LYPD6B: variants seen among roughly 807,000 people sequenced by gnomAD.
The protein encoded by LYPD6B is ly6/PLAUR domain-containing protein 6B.
A neutral mutation model predicts 22.8 loss-of-function variants in LYPD6B; 17 were observed. The observed-to-expected ratio is 0.75, with a 90% CI of 0.51 to 1.12. LYPD6B has a LOEUF of 1.12. Ranked by LOEUF, LYPD6B falls within the 50% of genes most tolerant of loss-of-function variation. LYPD6B has a pLI of 0.00. For synonymous variants in LYPD6B, 106 were observed against 91.6 expected (o/e 1.16, Z -0.90); for missense variants, 221 against 258.3 (o/e 0.86, Z 0.99).
At chr2:149,084,188 TCC>T (rs1257557157) in intron 1 of LYPD6B, among the ~76,000 whole-genome samples, 3 of 152,208 alleles carry the variant, frequency 2.0e-5, no homozygotes, top group Non-Finnish European at 4.4e-5. Flanking sequence ...ATATGCTGTT[TCC>T]CAACAACTTT....
chr2:149,087,348 T>C (rs889945862), intron 1 of LYPD6B, among the ~76,000 whole-genome samples: 1 of 152,214 alleles, frequency 6.6e-6, no homozygotes, highest in African/African-American at 2.4e-5. Flanking sequence ...TCTCCTTTTC[T>C]TCTGCAATTT....
At chr2:149,053,595 C>T (rs927949905) in intron 1 of LYPD6B, among the ~76,000 whole-genome samples, 6 of 152,146 alleles carry the variant, frequency 3.9e-5, no homozygotes, top group Admixed American at 3.9e-4. Context: ...AATACACGTA[C>T]CATAAAATGT....
chr2:149,174,864 G>T (rs564703348), intron 3 of LYPD6B, among the ~76,000 whole-genome samples: 1 of 151,980 alleles, frequency 6.6e-6, no homozygotes, highest in Admixed American at 6.6e-5. Context: ...GATGATCTGT[G>T]CCGCAAACCA....
At chr2:149,127,644 T>C (rs1431793584) in intron 1 of LYPD6B, among the ~76,000 whole-genome samples, 2 of 152,236 alleles carry the variant, frequency 1.3e-5, no homozygotes, top group Admixed American at 1.3e-4. Context: ...CTTGGGACAT[T>C]TTCTTTAATT....
intron 3 of LYPD6B, among the ~76,000 whole-genome samples, chr2:149,177,204 A>T (rs1000695194): frequency 3.9e-5 from 6 of 152,226 alleles, no homozygotes; most frequent in Non-Finnish European, 7.3e-5. Flanking sequence ...AAATTTGATT[A>T]GCGTTGCATG....
chr2:149,078,541 T>C (rs559075487), intron 1 of LYPD6B, among the ~76,000 whole-genome samples: 3 of 152,294 alleles, frequency 2.0e-5, no homozygotes, highest in South Asian at 4.1e-4. Flanking sequence ...ACTCTTCCAA[T>C]ACAGTGTACC....
intron 3 of LYPD6B, among the ~76,000 whole-genome samples, chr2:149,188,037 T>A (rs1692236897): frequency 6.6e-6 from 1 of 152,160 alleles, no homozygotes; most frequent in African/African-American, 2.4e-5. Flanking sequence ...GGGACACAGT[T>A]TGGTTCCATT....
intron 1 of LYPD6B, chr2:149,101,487 C>T (rs1405741779): frequency 1.3e-5 from 2 of 152,274 alleles, no homozygotes; most frequent in East Asian, 3.8e-4. Flanking sequence ...GCTTGGCAAA[C>T]CATCATGTAT....
intron 1 of LYPD6B, among the ~76,000 whole-genome samples, chr2:149,050,533 G>A (rs764905949): frequency 1.6e-4 from 25 of 152,180 alleles, no homozygotes; most frequent in Non-Finnish European, 2.4e-4. Flanking sequence ...TAGGCACGGT[G>A]TGTTTTATTT....
chr2:149,208,500 AT>A (rs369848582), intron 5 of LYPD6B, 88 bp downstream of exon 5: 5 of 1,106,334 alleles, frequency 4.5e-6, no homozygotes, highest in Admixed American at 1.9e-5. Context: ...AATCAGATGT[AT>A]TTTTTTCTGA....
chr2:149,093,138 G>A (rs1574952976), intron 1 of LYPD6B, among the ~76,000 whole-genome samples: 1 of 152,202 alleles, frequency 6.6e-6, no homozygotes, highest in South Asian at 2.1e-4. Flanking sequence ...TGGAGGGCAG[G>A]GAGCAGAGGA....
intron 2 of LYPD6B, among the ~76,000 whole-genome samples, chr2:149,152,701 C>T (rs913562066): frequency 5.3e-5 from 8 of 152,182 alleles, no homozygotes; most frequent in African/African-American, 1.9e-4. Context: ...ACTGTCTTGG[C>T]ACTGGTGGGA....
rs761070084 is a variant in LYPD6B at position 149,214,710 on chromosome 2, A to G, written c.624A>G (p.Ter208TrpextTer5). 39 of 1,613,804 alleles carry G rather than the reference A, an allele frequency of 2.4e-5. No individual in the cohort carries two copies. The highest frequency in any genetic ancestry group is 8.3e-5 in the Admixed American group (5 of 60,002). ...GGGTCTTTGTGCTTCCATTGCTGTG[A>G]TGCCACCATTCCTAGGAGAGGCAGA... ...LAWVFVLPLL[*>W] The change falls in exon 7 of 7, where the codon TGA (stop) becomes TGG (tryptophan). Residue 208 changes from the stop codon to tryptophan, a stop_lost. Transcript: ENST00000409642.
intron 3 of LYPD6B, among the ~76,000 whole-genome samples, chr2:149,168,441 A>G (rs1690584469): frequency 6.6e-6 from 1 of 152,112 alleles, no homozygotes. Context: ...CACATTCCAA[A>G]TTTAACTTTA....
intron 1 of LYPD6B, among the ~76,000 whole-genome samples, chr2:149,045,098 A>G (rs1255839122): frequency 6.6e-6 from 1 of 152,032 alleles, no homozygotes; most frequent in Non-Finnish European, 1.5e-5. Context: ...TTAATTTTAT[A>G]AATAGATATA....
At chr2:149,087,812 A>G (rs1371467787) in intron 1 of LYPD6B, among the ~76,000 whole-genome samples, 2 of 152,194 alleles carry the variant, frequency 1.3e-5, no homozygotes, top group Non-Finnish European at 2.9e-5. Context: ...CCGTGCATCT[A>G]CTGAATCAGA....
chr2:149,074,418 C>T (rs974924456), intron 1 of LYPD6B, among the ~76,000 whole-genome samples: 2 of 152,162 alleles, frequency 1.3e-5, no homozygotes, highest in African/African-American at 4.8e-5. Context: ...CAGCCTGATT[C>T]TCCAACCTAC....
chr2:149,075,270 C>T (rs985789139), intron 1 of LYPD6B, among the ~76,000 whole-genome samples: 5 of 152,104 alleles, frequency 3.3e-5, no homozygotes, highest in African/African-American at 1.2e-4. Flanking sequence ...GCAGTGCCAG[C>T]GCTGATTGGA....
intron 3 of LYPD6B, among the ~76,000 whole-genome samples, chr2:149,198,774 G>GT (rs1692979918): frequency 6.6e-6 from 1 of 150,860 alleles, no homozygotes; most frequent in African/African-American, 2.4e-5. Flanking sequence ...GAGATTTTTT[G>GT]TAAGTTTAGA....
Sources: gnomAD v4.1 joint callset for allele counts (sites outside exome capture counted in the v4.1 genomes callset) on GRCh38, gnomAD v4.1.1 for gene constraint, MANE v1.5 for transcripts, NCBI Gene and HGNC (gene_info 2026-07-23, HGNC 2026-07-21) for gene names.